Variants in COPG2 observed in about 807,000 individuals in gnomAD.
COPG2 encodes coat protein complex I subunit gamma 2.
COPG2 carries 37 observed loss-of-function variants against 46.3 expected under a neutral mutation model. The observed-to-expected ratio is 0.80, with a 90% confidence interval of 0.61 to 1.05. The LOEUF (loss-of-function observed/expected upper bound fraction) is 1.05. Among genes scored for constraint, COPG2 ranks in the 50% least tolerant of loss-of-function variants. COPG2 has a pLI of 0.00. For synonymous variants in COPG2, 159 were observed against 129.7 expected, an observed-to-expected ratio of 1.23 and a Z score of -1.53; for missense variants, 427 against 387.8, an observed-to-expected ratio of 1.10 and a Z score of -0.85.
intron 9 of COPG2, among the ~76,000 whole-genome samples, chr7:130,575,468 A>G (rs996264275): frequency 1.3e-5 from 2 of 152,196 alleles, no homozygotes; most frequent in African/African-American, 4.8e-5. Flanking sequence ...TCATATATAA[A>G]GGAAAGATAC....
At chr7:130,666,526 C>T (rs1383084586) in intron 3 of COPG2, among the ~76,000 whole-genome samples, 5 of 152,168 alleles carry the variant, frequency 3.3e-5, no homozygotes, top group African/African-American at 4.8e-5. Flanking sequence ...TCAGTGGAGA[C>T]ACTCATCAGA....
intron 9 of COPG2, chr7:130,602,876 A>T (rs1392248734): frequency 2.0e-5 from 3 of 152,110 alleles, no homozygotes; most frequent in Non-Finnish European, 2.9e-5. Flanking sequence ...CCAAGATCAG[A>T]TGAGACCTGG....
intron 9 of COPG2, among the ~76,000 whole-genome samples, chr7:130,577,775 A>C (rs868942127): frequency 0.42 from 61,976 of 147,486 alleles, 16,008 homozygotes; most frequent in East Asian, 0.59. Flanking sequence ...CTCAAAAAAA[A>C]AAAAAAAAAA....
chr7:130,575,487 T>C lies in COPG2; in HGVS notation c.738-11094A>G, dbSNP rs576781911. On this transcript the variant is annotated intron_variant, in intron 9 of 23. Coordinates refer to ENST00000425248, the MANE Select transcript of COPG2 (RefSeq NM_012133.6). ...ATATAAAGGAAAGATACAGTCTTTT[T>C]CAGACAAACAAATGCTGAGAGAATT... 2.4e-4 allele frequency among the ~76,000 whole-genome samples: 36 copies of C among 152,278 alleles called. 1 individual carries two copies. In the South Asian group the frequency reaches 4.4e-3, roughly 18 times the overall value.
intron 9 of COPG2, among the ~76,000 whole-genome samples, chr7:130,607,278 T>G (rs1794751974): frequency 2.1e-5 from 3 of 142,050 alleles, no homozygotes; most frequent in Non-Finnish European, 3.2e-5. Flanking sequence ...AATAAATAAA[T>G]AAATAAAGTC....
intron 5 of COPG2, among the ~76,000 whole-genome samples, chr7:130,643,786 C>A (rs1340468440): frequency 1.3e-5 from 2 of 152,032 alleles, no homozygotes; most frequent in African/African-American, 4.8e-5. Context: ...CATAACAAGA[C>A]CCCATCTCTA....
intron 5 of COPG2, among the ~76,000 whole-genome samples, chr7:130,639,224 T>A (rs1350391018): frequency 1.3e-5 from 2 of 152,226 alleles, no homozygotes; most frequent in African/African-American, 2.4e-5. Flanking sequence ...ATCTTTTTAC[T>A]TTACATATTA....
chr7:130,638,666 C>T (rs568924820), intron 5 of COPG2, among the ~76,000 whole-genome samples: 7 of 152,184 alleles, frequency 4.6e-5, no homozygotes, highest in Middle Eastern at 6.8e-3. Flanking sequence ...TGCTGGGCTC[C>T]GTGGGGGTGG....
intron 20 of COPG2, among the ~76,000 whole-genome samples, chr7:130,517,284 A>G (rs899176053): frequency 6.6e-6 from 1 of 152,186 alleles, no homozygotes; most frequent in Non-Finnish European, 1.5e-5. Context: ...GACAAAAGTT[A>G]AGACTAGATG....
intron 5 of COPG2, among the ~76,000 whole-genome samples, chr7:130,617,412 A>G (rs1052667117): frequency 3.3e-5 from 5 of 152,262 alleles, no homozygotes; most frequent in African/African-American, 1.2e-4. Flanking sequence ...ACAATGGTAT[A>G]AAGCGTCCTA....
chr7:130,650,843 T>A (rs782548819), intron 5 of COPG2, among the ~76,000 whole-genome samples: 4 of 152,224 alleles, frequency 2.6e-5, no homozygotes, highest in Non-Finnish European at 4.4e-5. Flanking sequence ...TTTGGGCATC[T>A]ATTTTGCAAC....
chr7:130,583,546 C>T (rs1794200806), intron 9 of COPG2, among the ~76,000 whole-genome samples: 1 of 146,950 alleles, frequency 6.8e-6, no homozygotes, highest in Admixed American at 6.8e-5. Context: ...GTGGCTCACG[C>T]CTGTAATCCC....
intron 9 of COPG2, among the ~76,000 whole-genome samples, chr7:130,573,944 A>G (rs1174305915): frequency 2.0e-5 from 3 of 152,214 alleles, no homozygotes; most frequent in Non-Finnish European, 4.4e-5. Flanking sequence ...AATTTCTTTA[A>G]AAGTTAAACA....
intron 20 of COPG2, among the ~76,000 whole-genome samples, chr7:130,545,330 G>C (rs1365742943): frequency 8.5e-5 from 13 of 152,144 alleles, no homozygotes; most frequent in African/African-American, 3.1e-4. Flanking sequence ...ATGCTATACT[G>C]TTTTCAAGTT....
intron 20 of COPG2, chr7:130,509,156 A>C: frequency 4.5e-6 from 2 of 445,122 alleles, no homozygotes; most frequent in East Asian, 6.7e-5. Flanking sequence ...ACAGATCACC[A>C]GAGAGAACTT....
intron 12 of COPG2, among the ~76,000 whole-genome samples, chr7:130,556,507 T>C (rs1357235193): frequency 1.3e-5 from 2 of 152,102 alleles, no homozygotes; most frequent in Non-Finnish European, 2.9e-5. Context: ...TTTCAGAGCA[T>C]AGAAAATGAA....
intron 9 of COPG2, chr7:130,607,384 T>C (rs1022004141): frequency 4.9e-6 from 2 of 412,246 alleles, no homozygotes; most frequent in Admixed American, 2.9e-5. Context: ...GCTTTTTCTC[T>C]TGGCTACTAG....
chr7:130,524,099 GGA>G (rs1405353625), intron 20 of COPG2, among the ~76,000 whole-genome samples: 2,385 of 152,200 alleles, frequency 0.016, 41 homozygotes, highest in African/African-American at 0.055. Context: ...GTGAAAGAAA[GGA>G]TGCAAAGGGA....
chr7:130,591,207 C>T lies in COPG2; in HGVS notation c.737+19746G>A, dbSNP rs1265007246. On this transcript the variant is annotated intron_variant, in intron 9 of 23. Coordinates refer to ENST00000425248, the MANE Select transcript of COPG2 (RefSeq NM_012133.6). ...GAGGTGAGGGGCGCCTCTGCCCGGC[C>T]GCCCCTACTGGGAAGTGAGGACCCC... 1.2e-3 allele frequency among the ~76,000 whole-genome samples: 168 copies of T among 139,322 alleles called. 2 individuals carry two copies. Among genetic ancestry groups the T allele is most frequent in the Non-Finnish European group, 1.3e-3 (83 of 63,492 alleles). 91.4% of individuals were successfully genotyped at this position (139,322 alleles called of 152,430 possible).
Sources: gnomAD v4.1 joint callset for allele counts (sites outside exome capture counted in the v4.1 genomes callset) on GRCh38, gnomAD v4.1.1 for gene constraint, MANE v1.5 for transcripts, NCBI Gene and HGNC (gene_info 2026-07-23, HGNC 2026-07-21) for gene names.